The following FMC1 variants were observed in gnomAD, a reference collection of about 807,000 sequenced individuals.
The protein encoded by FMC1 is protein FMC1 homolog.
In FMC1, 6 loss-of-function variants were observed where a neutral mutation model predicts 10.5. The observed-to-expected ratio is 0.57, with a 90% CI of 0.31 to 1.12. The LOEUF (loss-of-function observed/expected upper bound fraction) is 1.12, where lower values mean the gene tolerates loss of function less well. Ranked by LOEUF, FMC1 falls within the 50% of genes most tolerant of loss-of-function variation. The pLI, the probability that FMC1 is intolerant of heterozygous loss-of-function variation, is 0.05. For synonymous variants in FMC1, 59 were observed against 62.1 expected (o/e 0.95, Z 0.24); for missense variants, 146 against 151.7 (o/e 0.96, Z 0.20).
upstream of FMC1, chr7:139,341,106 G>C: frequency 2.9e-6 from 1 of 341,558 alleles, no homozygotes; most frequent in Non-Finnish European, 5.1e-6. Context: ...CTTCAATGAC[G>C]CAGTGAAGAA....
intron 1 of FMC1, among the ~76,000 whole-genome samples, chr7:139,341,891 TTG>T (rs1798999330): frequency 1.3e-5 from 2 of 152,184 alleles, no homozygotes; most frequent in African/African-American, 4.8e-5. Context: ...GGGTGTACTG[TTG>T]CTAGACTTAA....
rs763330994 is a variant in FMC1, at chr7:139,341,401, C to A, written c.17C>A (p.Ser6Tyr). Residue 6 changes from serine (S) to tyrosine (Y), a missense_variant, in exon 1 of 2, where the codon TCC becomes TAC. Physicochemically the swap from Ser to Tyr is moderately radical, Grantham distance 144. Transcript: ENST00000297534. ...GACAGGACAATGGCGGCCTTAGGGTCCCCGTCGCACACTTTTCGAGGACTT... is the reference window on the plus strand; with the variant it reads ...GACAGGACAATGGCGGCCTTAGGGTACCCGTCGCACACTTTTCGAGGACTT... MAALG[S>Y]PSHTFRGLLR... is the part of the protein sequence containing the mutation. 2 of 1,613,028 alleles carry A rather than the reference C, an allele frequency of 1.2e-6. No individual in the cohort carries two copies. Among genetic ancestry groups the A allele is most frequent in the Non-Finnish European group, 1.7e-6 (2 of 1,179,840 alleles).
intron 1 of FMC1, among the ~76,000 whole-genome samples, chr7:139,341,894 C>CTT (rs1799000000): frequency 1.3e-5 from 2 of 152,160 alleles, no homozygotes; most frequent in African/African-American, 4.8e-5. Flanking sequence ...TGTACTGTTG[C>CTT]TAGACTTAAA....
chr7:139,341,136 C>G (rs1798931598), upstream of FMC1: 2 of 468,688 alleles, frequency 4.3e-6, no homozygotes, highest in Non-Finnish European at 6.9e-6. Context: ...TTTCCCCAAA[C>G]CCTTGTTCTG....
At chr7:139,342,847 T>C (rs530170357) in intron 1 of FMC1, among the ~76,000 whole-genome samples, 1 of 152,342 alleles carries the variant, frequency 6.6e-6, no homozygotes, top group African/African-American at 2.4e-5. Context: ...GACTTGGTAA[T>C]GGTTCTGAAA....
At position 139,345,840 on chromosome 7, in the gene FMC1, C is replaced by A; in HGVS notation, c.*136C>A. ...GTTTACTAGTTCTTAGGGGAATTAA[C>A]TGGACATTTCATCTTTACTCTCAGT... On this transcript the variant is annotated 3_prime_UTR_variant, in exon 2 of 2. Coordinates refer to ENST00000297534, the MANE Select transcript of FMC1 (RefSeq NM_197964.5). 2.1e-6 allele frequency: 2 copies of A among 936,290 alleles called. No individual in the cohort carries two copies. Among genetic ancestry groups the A allele is most frequent in the Non-Finnish European group, 1.5e-6 (1 of 660,998 alleles). 58.0% of individuals were successfully genotyped at this position (936,290 alleles called of 1,614,324 possible). A position where few individuals can be genotyped will look rare whatever the true frequency, so the allele number is the denominator to read the frequency against.
At position 139,341,421 on chromosome 7, in the gene FMC1, G is replaced by C. The variant is rs771832282; in HGVS notation, c.37G>C (p.Gly13Arg). 6.2e-7 allele frequency: 1 copy of C among 1,613,458 alleles called. No homozygotes were observed. The highest frequency in any genetic ancestry group is 1.1e-5 in the South Asian group (1 of 91,080). ...AGGGTCCCCGTCGCACACTTTTCGA[G>C]GACTTCTGCGGGAGTTGCGCTACCT... is the stretch of plus-strand genomic sequence containing the variant. ...ALGSPSHTFR[G>R]LLRELRYLSA... Residue 13 changes from glycine to arginine, a missense_variant, in exon 1 of 2, where the codon GGA becomes CGA. By Grantham distance (125) the Gly-to-Arg change is moderately radical. Transcript: ENST00000297534.
At position 139,341,599 on chromosome 7, in the gene FMC1, C is replaced by T. The variant is rs1238480154; in HGVS notation, c.138+77C>T. ...CGGGTCTGGGCTAGGGTGGGGAGCACGGTGTTTAATTCCTGCATTTCTGAG... is the reference window on the plus strand; with the variant it reads ...CGGGTCTGGGCTAGGGTGGGGAGCATGGTGTTTAATTCCTGCATTTCTGAG... On this transcript the variant is annotated intron_variant, in intron 1 of 1. Transcript: ENST00000297534. 9 of 1,552,812 alleles carry T rather than the reference C, an allele frequency of 5.8e-6. No homozygotes were observed. In the African/African-American group the frequency reaches 1.1e-4, roughly 19 times the overall value.
Position 139,345,700 on chromosome 7 carries a change from C to T in FMC1, c.338C>T (p.Pro113Leu), listed in dbSNP as rs1799239890. ...PHQPGGKGWE[P>L] The stretch of plus-strand genomic sequence containing the variant: ...CAGCCTGGAGGGAAGGGCTGGGAGC[C>T]ATGAACATGGAGAATATCCTTGGAT... Residue 113 changes from proline (P) to leucine (L), a missense_variant, in exon 2 of 2, where the codon CCA (proline) becomes CTA (leucine). Transcript: ENST00000297534. 1.2e-6 allele frequency: 2 copies of T among 1,613,756 alleles called. No individual in the cohort carries two copies. The highest frequency in any genetic ancestry group is 1.7e-5 in the Admixed American group (1 of 59,970).
At chr7:139,342,299 G>GTTA (rs1799021697) in intron 1 of FMC1, among the ~76,000 whole-genome samples, 1 of 152,142 alleles carries the variant, frequency 6.6e-6, no homozygotes, top group African/African-American at 2.4e-5. Flanking sequence ...AGAAGGGGTA[G>GTTA]TTAGGGAAGG....
At chr7:139,345,142 A>G (rs1799210817) in intron 1 of FMC1, among the ~76,000 whole-genome samples, 1 of 152,176 alleles carries the variant, frequency 6.6e-6, no homozygotes, top group African/African-American at 2.4e-5. Flanking sequence ...GGTGACATTA[A>G]TGATGAGTGA....
At chr7:139,343,065 C>T (rs1799080405) in intron 1 of FMC1, among the ~76,000 whole-genome samples, 1 of 152,168 alleles carries the variant, frequency 6.6e-6, no homozygotes, top group African/African-American at 2.4e-5. Flanking sequence ...CTTTTGGGTT[C>T]TTGTGATCTA....
In FMC1 at chr7:139,341,436, T is replaced by A. The variant is rs1343262782; in HGVS notation, c.52T>A (p.Leu18Met). Residue 18 changes from leucine to methionine, a missense_variant, in exon 1 of 2, where the codon TTG (leucine) becomes ATG (methionine). Leu to Met is a conservative substitution (Grantham distance 15). Coordinates refer to ENST00000297534, the MANE Select transcript of FMC1 (RefSeq NM_197964.5). ...SHTFRGLLRE[L>M]RYLSAATGRP... ...CACTTTTCGAGGACTTCTGCGGGAG[T>A]TGCGCTACCTGAGCGCGGCCACCGG... is the stretch of plus-strand genomic sequence containing the variant. The A allele has an allele frequency of 3.7e-6, 6 of 1,613,438 alleles. No individual in the cohort carries two copies. Among genetic ancestry groups the A allele is most frequent in the Middle Eastern group, 1.6e-4 (1 of 6,062 alleles).
At chr7:139,341,267 C>T, upstream of FMC1, 9 of 1,469,006 alleles carry the variant, frequency 6.1e-6, no homozygotes, top group Non-Finnish European at 7.2e-6. Context: ...CACTGCTCGT[C>T]AGTCGATAGG....
chr7:139,345,747 A>G lies in FMC1; in HGVS notation c.*43A>G, dbSNP rs1225343246. 6.4e-7 allele frequency: 1 copy of G among 1,563,078 alleles called. No individual in the cohort carries two copies. Among genetic ancestry groups the G allele is most frequent in the Admixed American group, 1.9e-5 (1 of 51,302 alleles). ...GGATGCTGCATTCATAGGAGAATTGAATAATTTCTATCAATATGTATTTAT... is the reference window on the plus strand; with the variant it reads ...GGATGCTGCATTCATAGGAGAATTGGATAATTTCTATCAATATGTATTTAT... On this transcript the variant is annotated 3_prime_UTR_variant, in exon 2 of 2. Coordinates refer to ENST00000297534, the MANE Select transcript of FMC1 (RefSeq NM_197964.5).
intron 1 of FMC1, among the ~76,000 whole-genome samples, chr7:139,342,650 CGG>C (rs1297359325): frequency 6.6e-6 from 1 of 152,080 alleles, no homozygotes; most frequent in Non-Finnish European, 1.5e-5. Context: ...TTAGTGGAGA[CGG>C]GGTTTCTCCA....
upstream of FMC1, among the ~76,000 whole-genome samples, chr7:139,340,831 C>CTTT (rs112287672): frequency 3.4e-5 from 5 of 145,258 alleles, no homozygotes; most frequent in African/African-American, 7.6e-5. Context: ...GCCAACTTTA[C>CTTT]TTTTTTTTTT....
Position 139,345,793 on chromosome 7 carries a change from T to C in FMC1, c.*89T>C. ...TTTATCATTAAATTTTTTTTAAGTTTAAGGTTTTTCTCTGTAATTTTGTTT... is the reference window on the plus strand; with the variant it reads ...TTTATCATTAAATTTTTTTTAAGTTCAAGGTTTTTCTCTGTAATTTTGTTT... On this transcript the variant is annotated 3_prime_UTR_variant, in exon 2 of 2. Transcript: ENST00000297534. 7.3e-7 allele frequency: 1 copy of C among 1,377,722 alleles called. No homozygotes were observed. Among genetic ancestry groups the C allele is most frequent in the Non-Finnish European group, 9.6e-7 (1 of 1,042,162 alleles). The allele number at this position is 1,377,722 out of a possible 1,614,324, so 85.3% of individuals were successfully genotyped here. A position where few individuals can be genotyped will look rare whatever the true frequency, so the allele number is the denominator to read the frequency against.
At chr7:139,341,663 A>C in intron 1 of FMC1, 141 bp downstream of exon 1, 19 of 1,331,864 alleles carry the variant, frequency 1.4e-5, no homozygotes, top group East Asian at 6.1e-5. Context: ...GACCAAACCA[A>C]CCCAGGCCCT....
Sources: gnomAD v4.1 joint callset for allele counts (sites outside exome capture counted in the v4.1 genomes callset) on GRCh38, gnomAD v4.1.1 for gene constraint, MANE v1.5 for transcripts, NCBI Gene and HGNC (gene_info 2026-07-23, HGNC 2026-07-21) for gene names.